Variants in MAGI1 observed in about 807,000 individuals in gnomAD.
The protein encoded by MAGI1 is membrane-associated guanylate kinase, WW and PDZ domain-containing protein 1.
In MAGI1, 58 loss-of-function variants were observed where a neutral mutation model predicts 139.9. That is an observed-to-expected ratio of 0.41 (90% CI 0.34 to 0.52). The LOEUF is 0.52. Ranked by LOEUF, MAGI1 falls within the 20% of genes least tolerant of loss-of-function variation. MAGI1 has a pLI of 0.12. For synonymous variants in MAGI1, 812 were observed against 737.9 expected (o/e 1.10, Z -1.63); for missense variants, 1,874 against 1,901.6 (o/e 0.99, Z 0.27).
At chr3:66,026,594 TG>T (rs1433294667) in intron 1 of MAGI1, among the ~76,000 whole-genome samples, 1 of 151,256 alleles carries the variant, frequency 6.6e-6, no homozygotes, top group African/African-American at 2.4e-5. Flanking sequence ...TAATCTAGTA[TG>T]GGAGACAGTT....
chr3:65,526,930 T>C (rs1649045949), intron 2 of MAGI1, among the ~76,000 whole-genome samples: 1 of 151,416 alleles, frequency 6.6e-6, no homozygotes, highest in Admixed American at 6.6e-5. Context: ...CAGGCAGGAG[T>C]GAGAAAGGAA....
intron 3 of MAGI1, among the ~76,000 whole-genome samples, chr3:65,491,450 C>T (rs1006937629): frequency 2.6e-5 from 4 of 152,020 alleles, no homozygotes; most frequent in African/African-American, 9.7e-5. Context: ...TTTTCCTTTC[C>T]GACCCAATCC....
At chr3:65,687,701 T>C (rs890110628) in intron 1 of MAGI1, 14 of 523,386 alleles carry the variant, frequency 2.7e-5, no homozygotes, top group South Asian at 7.4e-5. Flanking sequence ...CTGGAAGCTG[T>C]TGCTGCCCTG....
At chr3:65,478,132 A>T (rs554510803) in intron 4 of MAGI1, among the ~76,000 whole-genome samples, 1 of 152,260 alleles carries the variant, frequency 6.6e-6, no homozygotes, top group Admixed American at 6.5e-5. Flanking sequence ...CTGCTTTCAA[A>T]GATATAAGAG....
chr3:65,913,958 A>C (rs1340027664), intron 1 of MAGI1: 1 of 152,048 alleles, frequency 6.6e-6, no homozygotes, highest in East Asian at 1.9e-4. Flanking sequence ...CCCAGAAAGC[A>C]ATTGCTTTAA....
chr3:65,581,029 C>A (rs562559341), intron 2 of MAGI1, among the ~76,000 whole-genome samples: 21 of 152,130 alleles, frequency 1.4e-4, no homozygotes, highest in African/African-American at 4.8e-4. Flanking sequence ...TAATATCATC[C>A]TTTTCTCCTG....
At chr3:65,561,825 C>A (rs535695357) in intron 2 of MAGI1, among the ~76,000 whole-genome samples, 17 of 152,132 alleles carry the variant, frequency 1.1e-4, no homozygotes, top group Non-Finnish European at 2.1e-4. Flanking sequence ...ATACGCAACT[C>A]AACTCTAACA....
At chr3:65,566,010 C>A (rs926362121) in intron 2 of MAGI1, among the ~76,000 whole-genome samples, 6 of 152,028 alleles carry the variant, frequency 3.9e-5, no homozygotes, top group Non-Finnish European at 7.4e-5. Flanking sequence ...AATCCCAGCA[C>A]TTTGGGAGGC....
chr3:65,964,605 G>C (rs189366354), intron 1 of MAGI1, among the ~76,000 whole-genome samples: 96 of 152,272 alleles, frequency 6.3e-4, no homozygotes, highest in Non-Finnish European at 4.4e-5. Context: ...AGTTATCACC[G>C]GTGAGTATGT....
At chr3:65,627,975 A>C (rs2084075634) in intron 1 of MAGI1, among the ~76,000 whole-genome samples, 1 of 152,148 alleles carries the variant, frequency 6.6e-6, no homozygotes, top group Non-Finnish European at 1.5e-5. Context: ...AATAAACCAC[A>C]ATTTATTTAT....
chr3:65,783,544 A>C (rs1161330885), intron 1 of MAGI1, among the ~76,000 whole-genome samples: 1 of 152,054 alleles, frequency 6.6e-6, no homozygotes, highest in Non-Finnish European at 1.5e-5. Flanking sequence ...CCCAGGCTGG[A>C]GTGCAGTGGC....
chr3:65,413,486 C>T (rs1298230998), intron 12 of MAGI1, among the ~76,000 whole-genome samples: 1 of 152,152 alleles, frequency 6.6e-6, no homozygotes, highest in Non-Finnish European at 1.5e-5. Flanking sequence ...AGAGCATGGA[C>T]ATACAGTGAG....
chr3:65,972,105 C>T (rs1263521108), intron 1 of MAGI1, among the ~76,000 whole-genome samples: 1 of 152,166 alleles, frequency 6.6e-6, no homozygotes. Context: ...CTGACTGGTC[C>T]CTAATTCTGC....
chr3:65,454,043 T>C (rs889517742), intron 5 of MAGI1, among the ~76,000 whole-genome samples: 4 of 151,974 alleles, frequency 2.6e-5, no homozygotes, highest in Non-Finnish European at 5.9e-5. Context: ...TTTGAAAGTG[T>C]AGAGACACAT....
intron 2 of MAGI1, among the ~76,000 whole-genome samples, chr3:65,601,953 T>C (rs544989272): frequency 1.1e-4 from 16 of 152,244 alleles, no homozygotes; most frequent in African/African-American, 2.4e-4. Flanking sequence ...AGGAATTCAA[T>C]AGGCATTTCT....
At chr3:65,950,067 C>CAAAAAAAAAAAAAAAAAAAAAAAAAAAAA (rs61696952) in intron 1 of MAGI1, among the ~76,000 whole-genome samples, 5 of 76,716 alleles carry the variant, frequency 6.5e-5, no homozygotes, top group East Asian at 4.5e-4. Flanking sequence ...AACAAAAAAA[C>CAAAAAAAAAAAAAAAAAAAAAAAAAAAAA]AAAAAAAAAA....
At chr3:65,611,464 A>G (rs888150487) in intron 2 of MAGI1, among the ~76,000 whole-genome samples, 1 of 145,050 alleles carries the variant, frequency 6.9e-6, no homozygotes, top group African/African-American at 2.5e-5. Context: ...TTTATACTGT[A>G]TATATACTAT....
chr3:65,677,981 G>A (rs9311950), intron 1 of MAGI1, among the ~76,000 whole-genome samples: 42,541 of 152,138 alleles, frequency 0.28, 8,860 homozygotes, highest in African/African-American at 0.59. Flanking sequence ...ACCATGGAAT[G>A]CTATGCAGCC....
Position 65,570,113 on chromosome 3 carries a change from ATTATTC to A in MAGI1, c.430+51853_430+51858del, listed in dbSNP as rs1208785637. Among the ~76,000 whole-genome samples, 160 of 133,608 alleles carry A rather than the reference ATTATTC, an allele frequency of 1.2e-3. 1 individual carries two copies. Among genetic ancestry groups the A allele is most frequent in the African/African-American group, 3.9e-3 (149 of 38,150 alleles). 87.7% of individuals were successfully genotyped at this position (133,608 alleles called of 152,430 possible). A position where few individuals can be genotyped will look rare whatever the true frequency, so the allele number is the denominator to read the frequency against. On this transcript the variant is annotated intron_variant, in intron 2 of 22. Transcript: ENST00000402939. ...TATTATTATTATTATTATTATTATT[ATTATTC>A]TGAGACACAGTCTCACTCGGTTGCC... is the stretch of plus-strand genomic sequence containing the variant.
Sources: allele counts gnomAD v4.1 joint callset (sites outside exome capture counted in the v4.1 genomes callset), GRCh38; gene constraint gnomAD v4.1.1; transcripts MANE v1.5; gene names NCBI Gene and HGNC (gene_info 2026-07-23, HGNC 2026-07-21).